ASIC2: variants seen among roughly 807,000 people sequenced by gnomAD.
ASIC2 encodes the protein acid-sensing ion channel 2.
In ASIC2, 25 loss-of-function variants were observed where a neutral mutation model predicts 57.3. That is an observed-to-expected ratio of 0.44 (90% CI 0.32 to 0.61). The LOEUF (loss-of-function observed/expected upper bound fraction) is 0.61. ASIC2 is among the 20% of genes least tolerant of loss of function. The pLI is 0.06. For synonymous variants in ASIC2, 319 were observed against 307.5 expected (o/e 1.04, Z -0.39); for missense variants, 641 against 738.1 (o/e 0.87, Z 1.52).
intron 1 of ASIC2, among the ~76,000 whole-genome samples, chr17:34,142,564 T>G (rs908044291): frequency 1.3e-5 from 2 of 152,198 alleles, no homozygotes; most frequent in Non-Finnish European, 2.9e-5. Flanking sequence ...TAGTGTATAA[T>G]CATTAGGTCA....
chr17:33,232,204 GA>G (rs1908117703), intron 1 of ASIC2, among the ~76,000 whole-genome samples: 1 of 152,136 alleles, frequency 6.6e-6, no homozygotes, highest in African/African-American at 2.4e-5. Context: ...AGGAGGGAGA[GA>G]GAAACTTCCT....
chr17:33,829,960 C>T (rs1913054061), intron 1 of ASIC2, among the ~76,000 whole-genome samples: 2 of 152,182 alleles, frequency 1.3e-5, no homozygotes. Flanking sequence ...ATAGCATCTA[C>T]TGTTCAACCC....
At chr17:33,427,150 A>T (rs1911246738) in intron 1 of ASIC2, among the ~76,000 whole-genome samples, 2 of 152,182 alleles carry the variant, frequency 1.3e-5, no homozygotes, top group African/African-American at 2.4e-5. Flanking sequence ...AGGATTCGGG[A>T]CTTACCCCCG....
At chr17:33,455,699 A>G (rs1016004513) in intron 1 of ASIC2, among the ~76,000 whole-genome samples, 1 of 152,186 alleles carries the variant, frequency 6.6e-6, no homozygotes, top group Non-Finnish European at 1.5e-5. Flanking sequence ...TTCATCATCA[A>G]TTTCAGAACT....
intron 1 of ASIC2, among the ~76,000 whole-genome samples, chr17:33,223,370 C>T (rs1051702810): frequency 4.6e-5 from 7 of 151,946 alleles, no homozygotes; most frequent in East Asian, 1.9e-4. Flanking sequence ...TTAGTAGGGA[C>T]GGGGGTTTCA....
In ASIC2 at chr17:33,291,642, G is replaced by C. The variant is rs1412596573; in HGVS notation, c.474C>G (p.Leu158=). 2.5e-6 allele frequency: 4 copies of C among 1,610,930 alleles called. No individual in the cohort carries two copies. The highest frequency in any genetic ancestry group is 1.7e-5 in the Admixed American group (1 of 59,908). The part of the protein sequence containing the change: ...KGDLYYAGHW[L]GLLLPNRTAR... ...CGGTGCGGTTGGGCAGCAGCAGCCC[G>C]AGCCAGTGGCCGGCATAGTAGAGGT... The change falls in exon 1 of 10, where the codon CTC becomes CTG. Residue 158 remains leucine, a synonymous_variant. Coordinates refer to ENST00000225823, the MANE Select transcript of ASIC2 (RefSeq NM_183377.2).
At chr17:33,932,727 A>AT (rs1567760155) in intron 1 of ASIC2, 3 of 110,064 alleles carry the variant, frequency 2.7e-5, no homozygotes, top group African/African-American at 1.1e-4. Context: ...AAAAAAAAAA[A>AT]AAAAAAAAAA....
intron 1 of ASIC2, among the ~76,000 whole-genome samples, chr17:33,920,533 C>A (rs1915686877): frequency 6.6e-6 from 1 of 151,892 alleles, no homozygotes; most frequent in African/African-American, 2.4e-5. Flanking sequence ...AAGGTGGGAA[C>A]AATAGACAGT....
intron 1 of ASIC2, chr17:34,039,582 T>G: frequency 6.2e-7 from 1 of 1,613,922 alleles, no homozygotes; most frequent in Non-Finnish European, 8.5e-7. Context: ...CAGGGCTGGT[T>G]CCCGGCCCGC....
intron 3 of ASIC2, among the ~76,000 whole-genome samples, chr17:33,047,513 T>C (rs1489441819): frequency 6.6e-6 from 1 of 151,930 alleles, no homozygotes; most frequent in Non-Finnish European, 1.5e-5. Flanking sequence ...CTAATTTTGT[T>C]ATTTTTTGTA....
At chr17:33,431,424 T>C (rs921925021) in intron 1 of ASIC2, among the ~76,000 whole-genome samples, 1 of 152,106 alleles carries the variant, frequency 6.6e-6, no homozygotes, top group Non-Finnish European at 1.5e-5. Flanking sequence ...CTGGCCATGA[T>C]GAAACCCTGT....
intron 1 of ASIC2, among the ~76,000 whole-genome samples, chr17:34,042,419 GTAAT>G (rs1447522900): frequency 6.6e-6 from 1 of 151,940 alleles, no homozygotes; most frequent in African/African-American, 2.4e-5. Context: ...AATTTCAAAA[GTAAT>G]TATCCCGAGT....
At chr17:33,905,020 C>G (rs1427665235) in intron 1 of ASIC2, among the ~76,000 whole-genome samples, 1 of 151,670 alleles carries the variant, frequency 6.6e-6, no homozygotes, top group Non-Finnish European at 1.5e-5. Context: ...GGAATCGCCT[C>G]AAATGTGCAC....
intron 1 of ASIC2, among the ~76,000 whole-genome samples, chr17:33,698,434 T>C (rs79460769): frequency 0.015 from 2,287 of 152,326 alleles, 66 homozygotes; most frequent in African/African-American, 0.053. Flanking sequence ...TTTCAAACGT[T>C]ATTATTAGCT....
intron 1 of ASIC2, among the ~76,000 whole-genome samples, chr17:33,455,051 G>A (rs1156709470): frequency 6.6e-6 from 1 of 152,200 alleles, no homozygotes; most frequent in South Asian, 2.1e-4. Context: ...GAGGTGTCCC[G>A]AGGTATCCCT....
chr17:33,039,196 G>C (rs1203797707), intron 3 of ASIC2, among the ~76,000 whole-genome samples: 4 of 150,494 alleles, frequency 2.7e-5, no homozygotes, highest in African/African-American at 5.0e-5. Context: ...TTCTGCCACA[G>C]GGATAGGACA....
Position 33,371,116 on chromosome 17 carries a change from A to C in ASIC2, c.556-259049T>G, listed in dbSNP as rs78943872. On this transcript the variant is annotated intron_variant, in intron 1 of 9. Transcript: ENST00000359872. Reference sequence around the variant, plus strand: ...TTTCTTTATTACTATATTTTGCAAGAATTGATATTATTGTCTTTAAAGCAA... The same window carrying C: ...TTTCTTTATTACTATATTTTGCAAGCATTGATATTATTGTCTTTAAAGCAA... 7.9e-5 allele frequency among the ~76,000 whole-genome samples: 12 copies of C among 152,354 alleles called. No individual in the cohort carries two copies. In the East Asian group the frequency reaches 2.1e-3, roughly 27 times the overall value.
In ASIC2 at chr17:33,972,575, C is replaced by CA. The variant is rs1905252677; in HGVS notation, c.555+183402dup. Among the ~76,000 whole-genome samples, 3 of 152,132 alleles carry CA rather than the reference C, an allele frequency of 2.0e-5. No homozygotes were observed. The South Asian group carries it at 6.2e-4, about 32-fold the overall frequency. On this transcript the variant is annotated intron_variant, in intron 1 of 9. Coordinates refer to the ASIC2 transcript ENST00000359872. ...CTCTGTTTGGAAAAACAAAACAAAA[C>CA]AAAAAAATCCAAAAATCCTTTATTG...
chr17:33,999,326 G>A (rs1226870791), intron 1 of ASIC2, among the ~76,000 whole-genome samples: 1 of 152,048 alleles, frequency 6.6e-6, no homozygotes, highest in African/African-American at 2.4e-5. Flanking sequence ...GTCACTGTAT[G>A]TCTTTTGATT....
Sources: gnomAD v4.1 joint callset for allele counts (sites outside exome capture counted in the v4.1 genomes callset) on GRCh38, gnomAD v4.1.1 for gene constraint, MANE v1.5 for transcripts, NCBI Gene and HGNC (gene_info 2026-07-23, HGNC 2026-07-21) for gene names.